Variants in CDH6 observed in about 807,000 individuals in gnomAD.
The protein encoded by CDH6 is cadherin 6, also known as cadherin-6.
A neutral mutation model predicts 78.0 loss-of-function variants in CDH6; 31 were observed. The observed-to-expected ratio is 0.40, with a 90% confidence interval of 0.30 to 0.54. The LOEUF is 0.54. Among genes scored for constraint, CDH6 ranks in the 20% least tolerant of loss-of-function variants. The pLI, the probability that CDH6 is intolerant of heterozygous loss-of-function variation, is 0.56. For synonymous variants in CDH6, 376 were observed against 368.8 expected, an observed-to-expected ratio of 1.02 and a Z score of -0.23; for missense variants, 724 against 975.9, an observed-to-expected ratio of 0.74 and a Z score of 3.44.
rs768108692 is a variant in CDH6 at position 31,282,927 on chromosome 5, G to GTGT, written c.229-11035_229-11034insTGT. Among the ~76,000 whole-genome samples the GTGT allele has an allele frequency of 3.7e-3, 565 of 152,216 alleles. 16 individuals are homozygous for GTGT. The highest frequency in any genetic ancestry group is 0.019 in the East Asian group (96 of 5,174). On this transcript the variant is annotated intron_variant, in intron 2 of 11. Transcript: ENST00000265071. ...GTTATACTGAATCTCTGCAAATACA[G>GTGT]ATCCCTTATGGTATTATTTAAGTGT...
chr5:31,194,281 G>A (rs1740100661), intron 1 of CDH6, among the ~76,000 whole-genome samples: 1 of 152,212 alleles, frequency 6.6e-6, no homozygotes, highest in Admixed American at 6.5e-5. Flanking sequence ...AATTACCAAA[G>A]GGCGCTGGTG....
intron 2 of CDH6, among the ~76,000 whole-genome samples, chr5:31,291,647 G>A (rs541854634): frequency 2.0e-5 from 3 of 152,214 alleles, no homozygotes; most frequent in Non-Finnish European, 4.4e-5. Flanking sequence ...CTGCCCTAGA[G>A]CAAGGATCCG....
At position 31,327,895 on chromosome 5, in the gene CDH6, C is replaced by T. The variant is rs1168804467; in HGVS notation, c.*4587C>T. 9.2e-6 allele frequency: 2 copies of T among 216,228 alleles called. No homozygotes were observed. Among genetic ancestry groups the T allele is most frequent in the Non-Finnish European group, 1.9e-5 (2 of 107,482 alleles). The allele number at this position is 216,228 out of a possible 1,614,324, so 13.4% of individuals were successfully genotyped here. A position where few individuals can be genotyped will look rare whatever the true frequency, so the allele number is the denominator to read the frequency against. ...TAAAGAAATAGCTCATTTTTAAAGC[C>T]GGAAGTTTATGGTCTCTGCATCGTC... On this transcript the variant is annotated 3_prime_UTR_variant, in exon 12 of 12. Coordinates refer to ENST00000265071, the MANE Select transcript of CDH6 (RefSeq NM_004932.4).
chr5:31,261,466 C>T (rs184319427), intron 1 of CDH6, among the ~76,000 whole-genome samples: 30 of 152,028 alleles, frequency 2.0e-4, no homozygotes, highest in Non-Finnish European at 1.5e-4. Context: ...TAAGTATAGA[C>T]CACATTTACA....
intron 2 of CDH6, among the ~76,000 whole-genome samples, chr5:31,283,376 A>G (rs555285970): frequency 6.6e-6 from 1 of 152,324 alleles, no homozygotes; most frequent in South Asian, 2.1e-4. Flanking sequence ...TGTGGTTAAT[A>G]GAGTAGGCCA....
In CDH6 at chr5:31,203,489, T is replaced by C. The variant is rs1274389723; in HGVS notation, c.-129+9603T>C. 2.9e-5 allele frequency among the ~76,000 whole-genome samples: 4 copies of C among 137,740 alleles called. No individual in the cohort carries two copies. The East Asian group carries it at 6.4e-4, about 22-fold the overall frequency. The allele number at this position is 137,740 out of a possible 152,430, so 90.4% of individuals were successfully genotyped here. A position where few individuals can be genotyped will look rare whatever the true frequency, so the allele number is the denominator to read the frequency against. On this transcript the variant is annotated intron_variant, in intron 1 of 11. Transcript: ENST00000265071. ...TTCAATTCCCACCTATGAGTGAGAA[T>C]ATGCGGTGTTTGGTTTTTTGTTCTT...
chr5:31,281,329 G>A (rs1321363097), intron 2 of CDH6, among the ~76,000 whole-genome samples: 1 of 151,440 alleles, frequency 6.6e-6, no homozygotes, highest in South Asian at 2.1e-4. Context: ...AAGAGAAAGG[G>A]GGCTGGGGGA....
At chr5:31,306,632 GA>G (rs1737999763) in intron 7 of CDH6, among the ~76,000 whole-genome samples, 2 of 152,274 alleles carry the variant, frequency 1.3e-5, no homozygotes, top group East Asian at 3.9e-4. Flanking sequence ...TAAGCAGACT[GA>G]AAAACTAGAG....
chr5:31,302,955 G>GAAA (rs1390790947), intron 6 of CDH6, among the ~76,000 whole-genome samples: 2 of 122,398 alleles, frequency 1.6e-5, no homozygotes, highest in Non-Finnish European at 3.7e-5. Context: ...AAGAAAGAAA[G>GAAA]AAGGAAAGAA....
chr5:31,292,766 C>CGTGTGTGT (rs148045734), intron 2 of CDH6, among the ~76,000 whole-genome samples: 33 of 147,132 alleles, frequency 2.2e-4, no homozygotes, highest in East Asian at 9.9e-4. Context: ...TATATATGTG[C>CGTGTGTGT]GTGTGTGTAT....
rs1561071167 is a variant in CDH6, at chr5:31,313,422, G to A, written c.1358G>A (p.Trp453Ter). 1 of 1,613,994 alleles carries A rather than the reference G, an allele frequency of 6.2e-7. No individual in the cohort carries two copies. The highest frequency in any genetic ancestry group is 8.5e-7 in the Non-Finnish European group (1 of 1,179,912). Residue 453 changes from tryptophan (W) to a stop codon, truncating the protein, a stop_gained, in exon 8 of 12, where the codon TGG becomes TAG. Coordinates refer to ENST00000265071, the MANE Select transcript of CDH6 (RefSeq NM_004932.4). LOFTEE classifies it high-confidence loss of function. ...CTTCTTGACCGAGAAACACTGCTAT[G>A]GCACAACATTACAGTGATAGCAACA... ...SKLLDRETLLWHNITVIATEI... is the reference protein window; with the variant it reads ...SKLLDRETLL
At chr5:31,221,944 G>A (rs1181736298) in intron 1 of CDH6, among the ~76,000 whole-genome samples, 2 of 152,070 alleles carry the variant, frequency 1.3e-5, no homozygotes, top group Non-Finnish European at 2.9e-5. Flanking sequence ...TTGTTGTGTG[G>A]ATTATATGAG....
chr5:31,259,909 G>A (rs371748626), intron 1 of CDH6, among the ~76,000 whole-genome samples: 3 of 152,126 alleles, frequency 2.0e-5, no homozygotes, highest in African/African-American at 7.2e-5. Flanking sequence ...GTGGCAGCCC[G>A]GGAAGCCCTT....
intron 2 of CDH6, among the ~76,000 whole-genome samples, chr5:31,277,884 T>C (rs1431717603): frequency 1.3e-5 from 2 of 152,228 alleles, no homozygotes; most frequent in South Asian, 4.1e-4. Flanking sequence ...TGAGGTATAA[T>C]TGACAAAAAT....
chr5:31,237,292 T>C (rs1741478943), intron 1 of CDH6, among the ~76,000 whole-genome samples: 1 of 152,074 alleles, frequency 6.6e-6, no homozygotes, highest in South Asian at 2.1e-4. Flanking sequence ...GGTAAGCAAA[T>C]CTGTGTCCTT....
chr5:31,202,646 T>A (rs1038456300), intron 1 of CDH6, among the ~76,000 whole-genome samples: 1 of 127,108 alleles, frequency 7.9e-6, no homozygotes. Flanking sequence ...CAAAAAAATA[T>A]ATATATATAC....
chr5:31,276,020 G>A (rs941112633), intron 2 of CDH6, among the ~76,000 whole-genome samples: 7 of 152,194 alleles, frequency 4.6e-5, no homozygotes, highest in Admixed American at 2.6e-4. Context: ...TTGCAACCTC[G>A]AGGGGGCAAC....
At chr5:31,310,700 A>G (rs1738123263) in intron 7 of CDH6, among the ~76,000 whole-genome samples, 1 of 152,198 alleles carries the variant, frequency 6.6e-6, no homozygotes, top group Non-Finnish European at 1.5e-5. Flanking sequence ...TGCCTTCTGC[A>G]CAGCTTCAGG....
intron 1 of CDH6, among the ~76,000 whole-genome samples, chr5:31,261,978 C>A (rs1742223640): frequency 6.6e-6 from 1 of 152,192 alleles, no homozygotes; most frequent in South Asian, 2.1e-4. Flanking sequence ...CCAAAGTACA[C>A]TAGGGAACTT....
Sources: allele counts gnomAD v4.1 joint callset (sites outside exome capture counted in the v4.1 genomes callset), GRCh38; gene constraint gnomAD v4.1.1; transcripts MANE v1.5; gene names NCBI Gene and HGNC (gene_info 2026-07-23, HGNC 2026-07-21).